The following ADAM32 variants were observed in gnomAD, a reference collection of about 807,000 sequenced individuals.
ADAM32 encodes the protein ADAM metallopeptidase domain 32.
A neutral mutation model predicts 114.9 loss-of-function variants in ADAM32; 89 were observed. The observed-to-expected ratio is 0.77, with a 90% CI of 0.65 to 0.92. The LOEUF (loss-of-function observed/expected upper bound fraction) is 0.92, where lower values mean the gene tolerates loss of function less well. Among genes scored for constraint, ADAM32 ranks in the 40% least tolerant of loss-of-function variants. The pLI is 0.00. For synonymous variants in ADAM32, 285 were observed against 307.5 expected, an observed-to-expected ratio of 0.93 and a Z score of 0.77; for missense variants, 870 against 932.8, an observed-to-expected ratio of 0.93 and a Z score of 0.88.
At chr8:39,206,337 A>G (rs1807829491) in intron 11 of ADAM32, among the ~76,000 whole-genome samples, 1 of 152,108 alleles carries the variant, frequency 6.6e-6, no homozygotes, top group East Asian at 1.9e-4. Flanking sequence ...GGTGGTTTTG[A>G]GTGGATTGTT....
At chr8:39,250,959 A>C (rs1811246794) in intron 17 of ADAM32, among the ~76,000 whole-genome samples, 1 of 151,922 alleles carries the variant, frequency 6.6e-6, no homozygotes, top group Non-Finnish European at 1.5e-5. Flanking sequence ...ATTTCATTTA[A>C]CATAATAACT....
chr8:39,186,649 T>A (rs1018097787), intron 10 of ADAM32, among the ~76,000 whole-genome samples: 4 of 152,208 alleles, frequency 2.6e-5, no homozygotes, highest in Non-Finnish European at 4.4e-5. Flanking sequence ...ACAATTTTTT[T>A]ATATATTGAT....
intron 11 of ADAM32, among the ~76,000 whole-genome samples, chr8:39,187,326 C>T (rs1806309588): frequency 6.6e-6 from 1 of 152,214 alleles, no homozygotes; most frequent in African/African-American, 2.4e-5. Flanking sequence ...GGCCAGACTG[C>T]AGTGGCGCTG....
At chr8:39,279,372 T>C (rs1019095802) in intron 22 of ADAM32, among the ~76,000 whole-genome samples, 1 of 152,146 alleles carries the variant, frequency 6.6e-6, no homozygotes, top group African/African-American at 2.4e-5. Context: ...GCAACTTCCA[T>C]CTCCTGGGTT....
chr8:39,137,201 G>A (rs757865507), intron 3 of ADAM32, among the ~76,000 whole-genome samples: 2 of 152,144 alleles, frequency 1.3e-5, no homozygotes, highest in Non-Finnish European at 2.9e-5. Context: ...ATTTTCTATA[G>A]GGTTTAATTC....
intron 11 of ADAM32, among the ~76,000 whole-genome samples, chr8:39,209,177 T>C (rs1240410603): frequency 6.6e-6 from 1 of 152,216 alleles, no homozygotes; most frequent in African/African-American, 2.4e-5. Context: ...TAAATTCACT[T>C]TTTCTTTTTT....
At chr8:39,238,572 CGAA>C (rs1289171453) in intron 16 of ADAM32, among the ~76,000 whole-genome samples, 1 of 152,082 alleles carries the variant, frequency 6.6e-6, no homozygotes, top group Non-Finnish European at 1.5e-5. Flanking sequence ...TGGATCCAAA[CGAA>C]GGAGAAATTT....
In ADAM32 at chr8:39,136,713, A is replaced by G. The variant is rs1230997151; in HGVS notation, c.195A>G (p.Lys65=). The change falls in exon 3 of 25, where the codon AAA becomes AAG. Residue 65 remains lysine (K), a synonymous_variant. Transcript: ENST00000379907. The part of the protein sequence containing the change: ...IDEKLYTVHL[K]QRYFLADNFM... ...AGAAACTGTACACTGTGCACCTTAA[A>G]CAAAGGTAAATTTTTATTCTTTAGT... 9.3e-6 allele frequency: 14 copies of G among 1,505,514 alleles called. No individual in the cohort carries two copies. Among genetic ancestry groups the G allele is most frequent in the African/African-American group, 1.4e-5 (1 of 70,812 alleles). The allele number at this position is 1,505,514 out of a possible 1,614,324, so 93.3% of individuals were successfully genotyped here. A position where few individuals can be genotyped will look rare whatever the true frequency, so the allele number is the denominator to read the frequency against.
At chr8:39,211,474 GT>G in intron 12 of ADAM32, 150 bp downstream of exon 12, 2 of 810,614 alleles carry the variant, frequency 2.5e-6, no homozygotes, top group Non-Finnish European at 3.4e-6. Context: ...AGAAAATACT[GT>G]TTAGATTTTG....
intron 12 of ADAM32, among the ~76,000 whole-genome samples, chr8:39,211,573 G>A (rs577627330): frequency 5.3e-5 from 8 of 152,142 alleles, no homozygotes; most frequent in African/African-American, 7.2e-5. Context: ...AAGCTTTTGA[G>A]TTTCAGACTA....
At chr8:39,279,458 A>C (rs1439329162) in intron 22 of ADAM32, among the ~76,000 whole-genome samples, 1 of 152,216 alleles carries the variant, frequency 6.6e-6, no homozygotes, top group Admixed American at 6.5e-5. Flanking sequence ...TAATTTTTGT[A>C]GTTTTAGTAG....
chr8:39,280,121 T>C (rs1173547660), intron 22 of ADAM32, among the ~76,000 whole-genome samples: 1 of 152,204 alleles, frequency 6.6e-6, no homozygotes, highest in East Asian at 1.9e-4. Context: ...ATATTTCCAT[T>C]AAAGACTACC....
chr8:39,254,527 G>T lies in ADAM32; in HGVS notation c.2005+11G>T. 2 of 1,536,314 alleles carry T rather than the reference G, an allele frequency of 1.3e-6. No individual in the cohort carries two copies. The highest frequency in any genetic ancestry group is 1.8e-6 in the Non-Finnish European group (2 of 1,134,024). ...CTGAGGAAGATATGGGCAAGTATTT[G>T]TCTCTTTAAATACCCATTTAATAAA... On this transcript the variant is annotated intron_variant, in intron 18 of 24. Coordinates refer to ENST00000379907, the MANE Select transcript of ADAM32 (RefSeq NM_145004.7).
intron 24 of ADAM32, 59 bp from the exon 25 acceptor site, chr8:39,284,733 CA>C: frequency 6.3e-7 from 1 of 1,592,044 alleles, no homozygotes; most frequent in South Asian, 1.1e-5. Context: ...GCTGCTTGTA[CA>C]GTGGGAGGGA....
At chr8:39,187,140 A>G in intron 11 of ADAM32, 95 bp downstream of exon 11, 2 of 1,143,506 alleles carry the variant, frequency 1.7e-6, no homozygotes, top group Non-Finnish European at 2.4e-6. Flanking sequence ...CAAATTAGCT[A>G]TCAATGGACC....
chr8:39,265,815 A>G (rs1425539217), intron 19 of ADAM32, among the ~76,000 whole-genome samples: 1 of 152,042 alleles, frequency 6.6e-6, no homozygotes, highest in Admixed American at 6.6e-5. Flanking sequence ...TTCCCTTTCC[A>G]TGTTTTGCTT....
chr8:39,224,728 T>C (rs1585582595), intron 14 of ADAM32, among the ~76,000 whole-genome samples: 1 of 152,294 alleles, frequency 6.6e-6, no homozygotes, highest in African/African-American at 2.4e-5. Context: ...GATTTTTTCC[T>C]TTGTTGTGCA....
intron 12 of ADAM32, among the ~76,000 whole-genome samples, chr8:39,212,326 T>TA (rs1004160014): frequency 3.3e-5 from 5 of 152,222 alleles, no homozygotes; most frequent in Admixed American, 6.5e-5. Context: ...TGATTTTTTT[T>TA]AAAAAAATCA....
chr8:39,243,827 G>C (rs529864467), intron 16 of ADAM32, among the ~76,000 whole-genome samples: 9 of 152,164 alleles, frequency 5.9e-5, no homozygotes, highest in African/African-American at 1.9e-4. Flanking sequence ...TCAAATTGAT[G>C]ATGAGGAAGT....
Sources: allele counts gnomAD v4.1 joint callset (sites outside exome capture counted in the v4.1 genomes callset), GRCh38; gene constraint gnomAD v4.1.1; transcripts MANE v1.5; gene names NCBI Gene and HGNC (gene_info 2026-07-23, HGNC 2026-07-21).